The following EGFLAM variants were observed in gnomAD, a reference collection of about 807,000 sequenced individuals.
The protein encoded by EGFLAM is pikachurin.
In EGFLAM, 79 loss-of-function variants were observed where a neutral mutation model predicts 113.1. The observed-to-expected ratio is 0.70, with a 90% CI of 0.58 to 0.84. EGFLAM has a LOEUF of 0.84. EGFLAM is among the 40% of genes least tolerant of loss of function. The pLI is 0.00. For synonymous variants in EGFLAM, 504 were observed against 487.6 expected (o/e 1.03, Z -0.44); for missense variants, 1,265 against 1,291.6 (o/e 0.98, Z 0.32).
intron 5 of EGFLAM, among the ~76,000 whole-genome samples, chr5:38,368,454 G>T (rs1740120731): frequency 6.6e-6 from 1 of 152,120 alleles, no homozygotes; most frequent in Non-Finnish European, 1.5e-5. Flanking sequence ...TGGGCATAAG[G>T]ACTCCATCTG....
intron 3 of EGFLAM, among the ~76,000 whole-genome samples, chr5:38,345,125 C>T (rs964120082): frequency 6.6e-6 from 1 of 152,114 alleles, no homozygotes; most frequent in Non-Finnish European, 1.5e-5. Flanking sequence ...TAATTAGAAC[C>T]GTATAAAGTC....
chr5:38,384,698 A>T (rs897293206), intron 6 of EGFLAM, among the ~76,000 whole-genome samples: 1 of 152,198 alleles, frequency 6.6e-6, no homozygotes, highest in South Asian at 2.1e-4. Context: ...AACCCAACAG[A>T]GGTTAAGAAA....
chr5:38,437,155 AG>A (rs1742377265), intron 16 of EGFLAM, among the ~76,000 whole-genome samples: 1 of 152,220 alleles, frequency 6.6e-6, no homozygotes. Flanking sequence ...GTTTCACTAG[AG>A]TCACATTGCA....
At chr5:38,400,220 T>C (rs1384688378) in intron 6 of EGFLAM, among the ~76,000 whole-genome samples, 4 of 152,238 alleles carry the variant, frequency 2.6e-5, no homozygotes, top group Non-Finnish European at 5.9e-5. Flanking sequence ...CATGTTGATA[T>C]AGCTGAGAAA....
intron 11 of EGFLAM, among the ~76,000 whole-genome samples, chr5:38,413,579 A>G (rs1480759582): frequency 6.6e-6 from 1 of 152,162 alleles, no homozygotes. Flanking sequence ...GACTATGTTC[A>G]GAATAAACAG....
At chr5:38,345,228 G>C (rs1204348669) in intron 3 of EGFLAM, 1 of 152,198 alleles carries the variant, frequency 6.6e-6, no homozygotes, top group Non-Finnish European at 1.5e-5. Flanking sequence ...CTGTAAAATG[G>C]AGATAATAGG....
chr5:38,383,206 C>T (rs1013706515), intron 6 of EGFLAM, among the ~76,000 whole-genome samples: 1 of 152,174 alleles, frequency 6.6e-6, no homozygotes, highest in African/African-American at 2.4e-5. Flanking sequence ...AACCAAACGT[C>T]CACAAACAAA....
intron 1 of EGFLAM, chr5:38,290,597 G>A (rs1217595144): frequency 6.6e-6 from 1 of 151,960 alleles, no homozygotes; most frequent in Non-Finnish European, 1.5e-5. Flanking sequence ...ATGGATTACT[G>A]ACCTCTCTCC....
chr5:38,318,138 C>A (rs921490056), intron 1 of EGFLAM, among the ~76,000 whole-genome samples: 9 of 152,000 alleles, frequency 5.9e-5, no homozygotes, highest in African/African-American at 2.2e-4. Flanking sequence ...GGAAGAGAGT[C>A]TCCTGCTGGG....
At chr5:38,297,501 A>G (rs1390645810) in intron 1 of EGFLAM, among the ~76,000 whole-genome samples, 1 of 152,198 alleles carries the variant, frequency 6.6e-6, no homozygotes, top group Non-Finnish European at 1.5e-5. Context: ...ATTTTGGTTT[A>G]GCATTAAACT....
chr5:38,358,625 C>T (rs758600615), intron 5 of EGFLAM, among the ~76,000 whole-genome samples: 1 of 151,874 alleles, frequency 6.6e-6, no homozygotes, highest in Non-Finnish European at 1.5e-5. Flanking sequence ...TCTATTACCC[C>T]CAAAATAGAG....
chr5:38,325,583 G>C (rs867944022), intron 1 of EGFLAM, among the ~76,000 whole-genome samples: 1 of 152,280 alleles, frequency 6.6e-6, no homozygotes, highest in South Asian at 2.1e-4. Flanking sequence ...ATTTACAAAG[G>C]CACCTCCCTC....
intron 6 of EGFLAM, among the ~76,000 whole-genome samples, chr5:38,377,127 C>CTT (rs35290896): frequency 6.8e-6 from 1 of 147,354 alleles, no homozygotes; most frequent in African/African-American, 2.5e-5. Flanking sequence ...GTTGTGTTCT[C>CTT]TTTTTTTTTT....
At chr5:38,359,328 T>G (rs900411927) in intron 5 of EGFLAM, among the ~76,000 whole-genome samples, 5 of 152,202 alleles carry the variant, frequency 3.3e-5, no homozygotes, top group African/African-American at 1.2e-4. Flanking sequence ...GAGCTTTGCA[T>G]TGTCACCTTC....
intron 6 of EGFLAM, among the ~76,000 whole-genome samples, chr5:38,379,456 G>A (rs1208155047): frequency 2.0e-5 from 3 of 151,890 alleles, no homozygotes; most frequent in Admixed American, 1.3e-4. Context: ...AGTCTGTCTC[G>A]GTGTGGCGTT....
Position 38,375,267 on chromosome 5 carries a change from A to G in EGFLAM, c.712+4805A>G, listed in dbSNP as rs144945215. On this transcript the variant is annotated intron_variant, in intron 6 of 21. Transcript: ENST00000322350. Reference sequence around the variant, plus strand: ...TATTTTACAGCTGGCAGCCCCTTAGATTAGTTAGACCCAAACCAAGACACA... The same window carrying G: ...TATTTTACAGCTGGCAGCCCCTTAGGTTAGTTAGACCCAAACCAAGACACA... Among the ~76,000 whole-genome samples, 784 of 152,146 alleles carry G rather than the reference A, an allele frequency of 5.2e-3. 9 individuals carry two copies. Among genetic ancestry groups the G allele is most frequent in the African/African-American group, 0.018 (739 of 41,508 alleles).
At chr5:38,392,620 C>CTTT (rs548367655) in intron 6 of EGFLAM, among the ~76,000 whole-genome samples, 190 of 145,466 alleles carry the variant, frequency 1.3e-3, no homozygotes, top group African/African-American at 4.9e-3. Flanking sequence ...AGAATCTATT[C>CTTT]TTTTTTTTTG....
chr5:38,307,432 C>T (rs1213834697), intron 1 of EGFLAM, among the ~76,000 whole-genome samples: 2 of 152,190 alleles, frequency 1.3e-5, no homozygotes. Context: ...ATGGGGGGCT[C>T]CCCTTCACTC....
intron 3 of EGFLAM, among the ~76,000 whole-genome samples, chr5:38,346,165 C>T (rs1384790265): frequency 6.6e-6 from 1 of 152,084 alleles, no homozygotes; most frequent in East Asian, 1.9e-4. Context: ...TAAAGAGTTC[C>T]AGAATTTTTT....
Sources: gnomAD v4.1 joint callset for allele counts (sites outside exome capture counted in the v4.1 genomes callset) on GRCh38, gnomAD v4.1.1 for gene constraint, MANE v1.5 for transcripts, NCBI Gene and HGNC (gene_info 2026-07-23, HGNC 2026-07-21) for gene names.